Variants in WWP2 observed in about 807,000 individuals in gnomAD.
The protein encoded by WWP2 is NEDD4-like E3 ubiquitin-protein ligase WWP2.
Under a neutral mutation model 121.0 loss-of-function variants are expected in WWP2, and 57 were observed. The ratio of observed to expected loss-of-function variants is 0.47; its 90% CI spans 0.38 to 0.59. The LOEUF (loss-of-function observed/expected upper bound fraction) is 0.59, where lower values mean the gene tolerates loss of function less well. Ranked by LOEUF, WWP2 falls within the 20% of genes least tolerant of loss-of-function variation. The pLI is 0.00. For synonymous variants in WWP2, 449 were observed against 441.3 expected (o/e 1.02, Z -0.22); for missense variants, 962 against 1,158.9 (o/e 0.83, Z 2.47).
chr16:69,916,842 C>G (rs1435736819), intron 9 of WWP2, among the ~76,000 whole-genome samples: 1 of 152,044 alleles, frequency 6.6e-6, no homozygotes, highest in Non-Finnish European at 1.5e-5. Context: ...GAGGGGAAAC[C>G]ATTTTTAGGG....
chr16:69,842,715 G>A (rs545005888), intron 6 of WWP2, among the ~76,000 whole-genome samples: 4 of 152,120 alleles, frequency 2.6e-5, no homozygotes, highest in South Asian at 4.2e-4. Flanking sequence ...TGTTGCCTAC[G>A]CTGGAGTGCT....
At chr16:69,880,045 C>T (rs1243617965) in intron 7 of WWP2, among the ~76,000 whole-genome samples, 2 of 149,506 alleles carry the variant, frequency 1.3e-5, no homozygotes, top group Non-Finnish European at 3.0e-5. Flanking sequence ...ATACTTTTTT[C>T]TGTTTTCGCT....
chr16:69,830,483 T>C (rs1451869530), intron 4 of WWP2, among the ~76,000 whole-genome samples: 1 of 152,220 alleles, frequency 6.6e-6, no homozygotes, highest in Non-Finnish European at 1.5e-5. Context: ...GAAGAGTTCA[T>C]ACAACCCTCA....
chr16:69,915,179 A>G (rs1282591863), intron 9 of WWP2, among the ~76,000 whole-genome samples: 4 of 152,224 alleles, frequency 2.6e-5, no homozygotes, highest in Non-Finnish European at 5.9e-5. Context: ...TGAAAACCAC[A>G]CAGAAGACGA....
chr16:69,925,698 A>T lies in WWP2; in HGVS notation c.1234+214A>T, dbSNP rs1422457963. Among the ~76,000 whole-genome samples the T allele has an allele frequency of 1.3e-5, 2 of 152,182 alleles. No homozygotes were observed. The highest frequency in any genetic ancestry group is 4.8e-5 in the African/African-American group (2 of 41,438). On this transcript the variant is annotated intron_variant, in intron 11 of 23. Coordinates refer to ENST00000359154, the MANE Select transcript of WWP2 (RefSeq NM_001270454.2). The surrounding 1 kb of genome is among the most constrained non-coding windows in gnomAD (Gnocchi z 4.0). ...CCAAGCTCCACCGAACCACTGTAGC[A>T]TCCACCCACCATCGCTAAAGGAGTG...
At position 69,930,208 on chromosome 16, in the gene WWP2, C is replaced by G; in HGVS notation, c.1395C>G (p.His465Gln). ...TSEGVRYFVD[H>Q]NTRTTTFKDP... ...AGGGGGTGCGATACTTTGTGGACCA[C>G]AATACCCGCACCACCACCTTTAAGG... Residue 465 changes from histidine to glutamine, a missense_variant, in exon 13 of 24, where the codon CAC (histidine) becomes CAG (glutamine). Coordinates refer to ENST00000359154, the MANE Select transcript of WWP2 (RefSeq NM_001270454.2). 6.2e-7 allele frequency: 1 copy of G among 1,614,076 alleles called. No homozygotes were observed. The highest frequency in any genetic ancestry group is 8.5e-7 in the Non-Finnish European group (1 of 1,179,978).
chr16:69,883,765 T>C (rs539717225), intron 7 of WWP2, among the ~76,000 whole-genome samples: 2 of 152,122 alleles, frequency 1.3e-5, no homozygotes, highest in African/African-American at 4.8e-5. Context: ...GAAGAGCTAC[T>C]ATGGGTGAAC....
chr16:69,931,966 C>A, intron 16 of WWP2, 76 bp downstream of exon 16: 1 of 1,356,944 alleles, frequency 7.4e-7, no homozygotes, highest in Non-Finnish European at 1.0e-6. Flanking sequence ...AGAAAGCTGC[C>A]TGCCCCCTGC....
In WWP2 at chr16:69,868,677, A is replaced by G. The variant is rs1255796783; in HGVS notation, c.576-3127A>G. ...TACACATGTGCACACACACACACAC[A>G]CACACACACACACACAGACATACAC... On this transcript the variant is annotated intron_variant, in intron 6 of 23. Transcript: ENST00000359154. Among the ~76,000 whole-genome samples, 4 of 150,720 alleles carry G rather than the reference A, an allele frequency of 2.7e-5. No homozygotes were observed. The South Asian group carries it at 8.3e-4, about 31-fold the overall frequency.
intron 8 of WWP2, 57 bp from the exon 9 acceptor site, chr16:69,908,704 C>T: frequency 3.3e-6 from 5 of 1,511,028 alleles, no homozygotes; most frequent in Non-Finnish European, 3.5e-6. Context: ...TCCTTTCTAA[C>T]AGGGGCCTAT....
chr16:69,787,196 T>C (rs2055811914), intron 2 of WWP2, 116 bp downstream of exon 2: 1 of 656,708 alleles, frequency 1.5e-6, no homozygotes, highest in Non-Finnish European at 2.5e-6. Context: ...GTGTTAATTA[T>C]TTATTCTCAT....
intron 1 of WWP2, among the ~76,000 whole-genome samples, chr16:69,764,264 A>G (rs1276024715): frequency 2.0e-5 from 3 of 152,194 alleles, no homozygotes; most frequent in African/African-American, 7.2e-5. Context: ...CAGTGGCACA[A>G]TCACGGCTCA....
At position 69,777,363 on chromosome 16, in the gene WWP2, C is replaced by T. The variant is rs554564063; in HGVS notation, c.-15-9633C>T. 1.5e-3 allele frequency among the ~76,000 whole-genome samples: 225 copies of T among 151,836 alleles called. 2 individuals are homozygous for T. The highest frequency in any genetic ancestry group is 1.3e-3 in the Non-Finnish European group (89 of 67,960). ...TCACCCAGGCTGGAGTGCAGTGGTG[C>T]GGTCTTGGCTTATTGCAACCTCTGC... On this transcript the variant is annotated intron_variant, in intron 1 of 23. Transcript: ENST00000359154.
intron 6 of WWP2, among the ~76,000 whole-genome samples, chr16:69,867,025 G>T (rs2057538202): frequency 6.6e-6 from 1 of 151,750 alleles, no homozygotes; most frequent in Non-Finnish European, 1.5e-5. Context: ...TAGTAGAGTT[G>T]GGGTTTTGCC....
intron 8 of WWP2, among the ~76,000 whole-genome samples, chr16:69,892,531 T>C (rs74249227): frequency 0.094 from 14,248 of 152,236 alleles, 953 homozygotes; most frequent in East Asian, 0.35. Flanking sequence ...TTTCCCAATC[T>C]ATTTTAACTT....
intron 14 of WWP2, 120 bp downstream of exon 14, chr16:69,931,347 TCTAAC>T: frequency 6.8e-7 from 1 of 1,476,316 alleles, no homozygotes; most frequent in Non-Finnish European, 9.4e-7. Flanking sequence ...AAGACACTTG[TCTAAC>T]CCGGAGCTGG....
chr16:69,784,261 G>A (rs915615271), intron 1 of WWP2, among the ~76,000 whole-genome samples: 4 of 151,654 alleles, frequency 2.6e-5, no homozygotes, highest in Non-Finnish European at 4.4e-5. Flanking sequence ...CACCATGCCC[G>A]GTTAATTTTT....
chr16:69,877,676 G>A (rs527460794), intron 7 of WWP2, among the ~76,000 whole-genome samples: 3 of 152,150 alleles, frequency 2.0e-5, no homozygotes, highest in Non-Finnish European at 4.4e-5. Context: ...TAAAGTGAGA[G>A]ACATATGACT....
Position 69,865,360 on chromosome 16 carries a change from T to C in WWP2, c.576-6444T>C, listed in dbSNP as rs2057501657. On this transcript the variant is annotated intron_variant, in intron 6 of 23. Transcript: ENST00000359154. ...CCACCACACCCAGCCTCAAATCTTT[T>C]GATTATTTAAAAAATATTGGGGTTG... Among the ~76,000 whole-genome samples the C allele has an allele frequency of 3.3e-5, 5 of 152,218 alleles. No homozygotes were observed. The South Asian group carries it at 1.0e-3, about 32-fold the overall frequency.
Sources: allele counts gnomAD v4.1 joint callset (sites outside exome capture counted in the v4.1 genomes callset), GRCh38; gene constraint gnomAD v4.1.1; non-coding constraint Gnocchi (gnomAD v3.1); transcripts MANE v1.5; gene names NCBI Gene and HGNC (gene_info 2026-07-23, HGNC 2026-07-21).